SBF2: variants seen among roughly 807,000 people sequenced by gnomAD.
SBF2 encodes the protein SET binding factor 2.
SBF2 carries 112 observed loss-of-function variants against 225.2 expected under a neutral mutation model. The ratio of observed to expected loss-of-function variants is 0.50; its 90% CI spans 0.43 to 0.58. SBF2 has a LOEUF of 0.58. Among genes scored for constraint, SBF2 ranks in the 20% least tolerant of loss-of-function variants. The probability of loss-of-function intolerance (pLI) is 0.00; values close to 1 mark genes in which losing one functional copy is unlikely to be tolerated. For missense variants in SBF2, 1,996 were observed against 2,206.2 expected (o/e 0.90, Z 1.91); for synonymous variants, 763 against 773.3 (o/e 0.99, Z 0.22).
chr11:10,202,326 G>GT (rs1957594927), intron 1 of SBF2, among the ~76,000 whole-genome samples: 1 of 152,090 alleles, frequency 6.6e-6, no homozygotes, highest in South Asian at 2.1e-4. Flanking sequence ...CTTCATCTGG[G>GT]TAACAGCAGC....
In SBF2 at chr11:10,029,772, C is replaced by T. The variant is rs1949186665; in HGVS notation, c.506G>A (p.Gly169Glu). The T allele has an allele frequency of 5.0e-6, 8 of 1,608,284 alleles. No homozygotes were observed. Among genetic ancestry groups the T allele is most frequent in the Non-Finnish European group, 6.0e-6 (7 of 1,174,708 alleles). Residue 169 changes from glycine to glutamate, a missense_variant, in exon 5 of 40, where the codon GGG becomes GAG. Transcript: ENST00000256190. ...LCACLVPAAGGSQKLFSLGAG... is the reference protein window; with the variant it reads ...LCACLVPAAGESQKLFSLGAG... Reference sequence around the variant, plus strand: ...TCTTTCTATTCTATTTACCTGAGACCCTCCAGCCGCTGGGACAAGGCAGGC... The same window carrying T: ...TCTTTCTATTCTATTTACCTGAGACTCTCCAGCCGCTGGGACAAGGCAGGC...
intron 16 of SBF2, chr11:9,960,970 AT>A (rs2134359871): frequency 1.2e-5 from 1 of 80,408 alleles, no homozygotes; most frequent in Non-Finnish European, 3.1e-5. Context: ...GCCAAATAAT[AT>A]AATCTTAAAC....
chr11:9,880,098 A>C (rs1405099949), intron 17 of SBF2, among the ~76,000 whole-genome samples: 1 of 148,756 alleles, frequency 6.7e-6, no homozygotes, highest in East Asian at 2.0e-4. Flanking sequence ...AAAAAAAAAA[A>C]AAAAAAAAAA....
intron 2 of SBF2, among the ~76,000 whole-genome samples, chr11:10,072,890 AATTATT>A (rs58223002): frequency 7.9e-4 from 118 of 148,570 alleles, no homozygotes; most frequent in African/African-American, 2.4e-3. Context: ...ACATATGGCT[AATTATT>A]ATTATTATTA....
intron 17 of SBF2, among the ~76,000 whole-genome samples, chr11:9,875,250 A>G (rs1349107945): frequency 1.3e-5 from 2 of 152,234 alleles, no homozygotes; most frequent in East Asian, 3.8e-4. Flanking sequence ...AATAACCAAG[A>G]CAGATCCAGT....
chr11:10,300,378 C>T (rs1201025029), intron 1 of SBF2, among the ~76,000 whole-genome samples: 1 of 152,202 alleles, frequency 6.6e-6, no homozygotes, highest in South Asian at 2.1e-4. Flanking sequence ...ATCAGAATTG[C>T]TTCTTGGCTG....
At chr11:9,881,130 T>C (rs774712023) in intron 17 of SBF2, among the ~76,000 whole-genome samples, 9 of 152,336 alleles carry the variant, frequency 5.9e-5, no homozygotes, top group East Asian at 1.9e-4. Context: ...TTTTTGGATA[T>C]AGAATCTCAT....
At chr11:10,125,780 C>T (rs1434750743) in intron 2 of SBF2, among the ~76,000 whole-genome samples, 3 of 152,214 alleles carry the variant, frequency 2.0e-5, no homozygotes, top group African/African-American at 7.2e-5. Flanking sequence ...AGCATCATGA[C>T]TCTTTAATTG....
chr11:9,903,317 G>A (rs965175163), intron 16 of SBF2, among the ~76,000 whole-genome samples: 5 of 151,290 alleles, frequency 3.3e-5, no homozygotes, highest in East Asian at 1.9e-4. Context: ...GCAAGATTCC[G>A]TCTCAAAAAA....
chr11:9,886,414 T>C (rs949367905), intron 17 of SBF2, among the ~76,000 whole-genome samples: 1 of 152,192 alleles, frequency 6.6e-6, no homozygotes, highest in Non-Finnish European at 1.5e-5. Flanking sequence ...TCTGTAATCA[T>C]CTCTCTGTAG....
intron 13 of SBF2, among the ~76,000 whole-genome samples, chr11:9,983,405 C>T (rs1947046435): frequency 6.6e-6 from 1 of 152,132 alleles, no homozygotes; most frequent in Admixed American, 6.5e-5. Flanking sequence ...ACCCCCATCC[C>T]CCACAGCAGC....
intron 2 of SBF2, among the ~76,000 whole-genome samples, chr11:10,095,742 A>G (rs1444620140): frequency 2.6e-5 from 4 of 152,196 alleles, no homozygotes; most frequent in Admixed American, 2.0e-4. Context: ...TTAATCACAC[A>G]TACTGATTTT....
intron 1 of SBF2, among the ~76,000 whole-genome samples, chr11:10,222,786 T>TG (rs1196960955): frequency 1.3e-5 from 2 of 152,108 alleles, no homozygotes; most frequent in African/African-American, 4.8e-5. Flanking sequence ...ATTTCTTTTG[T>TG]GAAAAAATCA....
At chr11:10,133,085 C>A (rs959425254) in intron 2 of SBF2, among the ~76,000 whole-genome samples, 1 of 148,392 alleles carries the variant, frequency 6.7e-6, no homozygotes, top group Non-Finnish European at 1.5e-5. Flanking sequence ...TAAAGGTTCT[C>A]CACTTCCTCA....
chr11:10,206,089 A>G (rs1957742664), intron 1 of SBF2, among the ~76,000 whole-genome samples: 1 of 151,616 alleles, frequency 6.6e-6, no homozygotes, highest in Non-Finnish European at 1.5e-5. Flanking sequence ...AATAGCACCA[A>G]TAATGAACAT....
chr11:10,267,815 G>C (rs1459844966), intron 1 of SBF2, among the ~76,000 whole-genome samples: 1 of 152,168 alleles, frequency 6.6e-6, no homozygotes, highest in African/African-American at 2.4e-5. Context: ...GGAGAAGGGA[G>C]TAATATGGTT....
intron 2 of SBF2, among the ~76,000 whole-genome samples, chr11:10,192,232 A>T (rs1957202213): frequency 6.6e-6 from 1 of 152,144 alleles, no homozygotes; most frequent in African/African-American, 2.4e-5. Context: ...CCAAAAAGCC[A>T]TTTTCCTTGG....
At chr11:9,947,046 T>C (rs921426154) in intron 16 of SBF2, among the ~76,000 whole-genome samples, 18 of 151,730 alleles carry the variant, frequency 1.2e-4, no homozygotes, top group African/African-American at 2.9e-4. Context: ...TCTAATTAGA[T>C]TGAAAAGCAT....
At chr11:9,805,011 A>G (rs1292058271) in intron 32 of SBF2, among the ~76,000 whole-genome samples, 1 of 152,160 alleles carries the variant, frequency 6.6e-6, no homozygotes. Flanking sequence ...TTGGAAGGCC[A>G]AGGCAGATAG....
Sources: gnomAD v4.1 joint callset for allele counts (sites outside exome capture counted in the v4.1 genomes callset) on GRCh38, gnomAD v4.1.1 for gene constraint, MANE v1.5 for transcripts, NCBI Gene and HGNC (gene_info 2026-07-23, HGNC 2026-07-21) for gene names.